Variants in VPS39 observed in about 807,000 individuals in gnomAD.
VPS39 encodes vam6/Vps39-like protein.
In VPS39, 70 loss-of-function variants were observed where a neutral mutation model predicts 121.0. The observed-to-expected ratio is 0.58, with a 90% confidence interval of 0.48 to 0.71. The LOEUF is 0.71. VPS39 is among the 30% of genes least tolerant of loss of function. VPS39 has a pLI of 0.00. For synonymous variants in VPS39, 378 were observed against 398.1 expected (o/e 0.95, Z 0.60); for missense variants, 818 against 1,051.5 (o/e 0.78, Z 3.07).
At chr15:42,181,334 T>C (rs2049576420) in intron 8 of VPS39, among the ~76,000 whole-genome samples, 1 of 152,170 alleles carries the variant, frequency 6.6e-6, no homozygotes, top group Non-Finnish European at 1.5e-5. Flanking sequence ...TTCCCTTATA[T>C]GAGGTATCTA....
intron 11 of VPS39, among the ~76,000 whole-genome samples, chr15:42,170,741 A>ATTTTTTTTTTTTTTTTTTT: frequency 2.0e-5 from 1 of 50,472 alleles, no homozygotes; most frequent in Non-Finnish European, 3.5e-5. Flanking sequence ...ATGCTCGCAG[A>ATTTTTTTTTTTTTTTTTTT]TTTTTTTTTT....
In VPS39 at chr15:42,173,783, T is replaced by A. The variant is rs777472248; in HGVS notation, c.1030A>T (p.Asn344Tyr). 6.2e-6 allele frequency: 10 copies of A among 1,614,128 alleles called. No individual in the cohort carries two copies. Among genetic ancestry groups the A allele is most frequent in the African/African-American group, 2.7e-5 (2 of 74,930 alleles). ...TCAAAACGCTTCTGGCAGAAGAGGTTGAAGGCATACAAGTTCTTGATGTGA... is the reference window on the plus strand; with the variant it reads ...TCAAAACGCTTCTGGCAGAAGAGGTAGAAGGCATACAAGTTCTTGATGTGA... Reference protein sequence around the residue: ...IHHIKNLYAFNLFCQKRFDES... With the variant: ...IHHIKNLYAFYLFCQKRFDES... The change falls in exon 11 of 25, where the codon AAC (asparagine) becomes TAC (tyrosine). Residue 344 changes from asparagine (N) to tyrosine (Y), a missense_variant. Physicochemically the swap from Asn to Tyr is moderately radical, Grantham distance 143. Transcript: ENST00000318006.
rs116172840 is a variant in VPS39 at position 42,159,598 on chromosome 15, C to T, written c.*1156G>A. On this transcript the variant is annotated 3_prime_UTR_variant, in exon 25 of 25. Transcript: ENST00000318006. ...CCGCGTCCCCTCTGCTGTGCCTAAA[C>T]ACCTCTCAGGAACACTTGGCAGCAC... The T allele has an allele frequency of 6.6e-6, 1 of 152,426 alleles. No homozygotes were observed. Among genetic ancestry groups the T allele is most frequent in the African/African-American group, 2.4e-5 (1 of 41,446 alleles). 9.4% of individuals were successfully genotyped at this position (152,426 alleles called of 1,614,324 possible). A position where few individuals can be genotyped will look rare whatever the true frequency, so the allele number is the denominator to read the frequency against.
At chr15:42,197,567 C>G (rs1447325380) in intron 2 of VPS39, among the ~76,000 whole-genome samples, 1 of 151,804 alleles carries the variant, frequency 6.6e-6, no homozygotes, top group Non-Finnish European at 1.5e-5. Context: ...AATAAAGGAG[C>G]AGAATGAAGC....
In VPS39 at chr15:42,181,711, C is replaced by CT. The variant is rs765125799; in HGVS notation, c.718+2805dup. ...TAATTTGCTAATATTTCTAATTATCCTTTTTTTTTTTTGAGACAGAGTCTC... is the reference window on the plus strand; with the variant it reads ...TAATTTGCTAATATTTCTAATTATCCTTTTTTTTTTTTTGAGACAGAGTCTC... On this transcript the variant is annotated intron_variant, in intron 8 of 24. Coordinates refer to ENST00000318006, the MANE Select transcript of VPS39 (RefSeq NM_015289.5). Among the ~76,000 whole-genome samples, 282 of 145,654 alleles carry CT rather than the reference C, an allele frequency of 1.9e-3. 1 individual carries two copies. The highest frequency in any genetic ancestry group is 3.7e-3 in the Admixed American group (54 of 14,602).
rs1000407701 is a variant in VPS39, at chr15:42,178,318, G to A, written c.860C>T (p.Ala287Val). The change falls in exon 10 of 25, where the codon GCC (alanine) becomes GTC (valine). Residue 287 changes from alanine (A) to valine (V), a missense_variant. Transcript: ENST00000318006. ...GAGTCTCCAAACAAAATGATTGCTG[G>A]CCACATAGATAATGTTTGATCTGGA... ...TSGGSNIIYV[A>V]SNHFVWRLIP... The A allele has an allele frequency of 6.2e-7, 1 of 1,614,108 alleles. No individual in the cohort carries two copies. The highest frequency in any genetic ancestry group is 8.5e-7 in the Non-Finnish European group (1 of 1,180,032).
chr15:42,175,223 C>A (rs1325334490), intron 10 of VPS39, among the ~76,000 whole-genome samples: 2 of 151,864 alleles, frequency 1.3e-5, no homozygotes, highest in African/African-American at 4.8e-5. Context: ...TCCTGGCCAA[C>A]ATGGTGAAAC....
chr15:42,191,293 T>C (rs752495535), intron 3 of VPS39, 126 bp from the exon 4 acceptor site: 36 of 1,235,130 alleles, frequency 2.9e-5, no homozygotes, highest in Non-Finnish European at 4.0e-5. Context: ...CACTGATTTT[T>C]CTGGGCACTA....
At chr15:42,204,721 C>T (rs1703748) in intron 1 of VPS39, among the ~76,000 whole-genome samples, 10,008 of 152,052 alleles carry the variant, frequency 0.066, 864 homozygotes, top group African/African-American at 0.18. Context: ...ATGAAACATT[C>T]ATGTAGTTCC....
At chr15:42,186,116 G>A (rs1330523726) in intron 7 of VPS39, among the ~76,000 whole-genome samples, 1 of 152,070 alleles carries the variant, frequency 6.6e-6, no homozygotes, top group Non-Finnish European at 1.5e-5. Flanking sequence ...ATATTCAAAT[G>A]ACACAAAGAT....
At chr15:42,193,160 A>C (rs539043624) in intron 2 of VPS39, among the ~76,000 whole-genome samples, 1 of 152,324 alleles carries the variant, frequency 6.6e-6, no homozygotes, top group South Asian at 2.1e-4. Context: ...AATCTTAAAA[A>C]TTACTGAGGA....
intron 21 of VPS39, 161 bp from the exon 22 acceptor site, chr15:42,162,642 A>G (rs140308723): frequency 0.012 from 9,208 of 752,864 alleles, 75 homozygotes; most frequent in Middle Eastern, 0.021. Context: ...AAGGTCAAAC[A>G]GGCAACTGAA....
Position 42,160,070 on chromosome 15 carries a change from A to C in VPS39, c.*684T>G, listed in dbSNP as rs2049099174. 6.6e-6 allele frequency: 1 copy of C among 152,544 alleles called. No homozygotes were observed. Among genetic ancestry groups the C allele is most frequent in the Non-Finnish European group, 1.5e-5 (1 of 68,298 alleles). The allele number at this position is 152,544 out of a possible 1,614,324, so 9.4% of individuals were successfully genotyped here. A position where few individuals can be genotyped will look rare whatever the true frequency, so the allele number is the denominator to read the frequency against. ...CTATTTACAACATACCTGACAATCAACTAGCACTGTATTCCTAGAACTGAG... is the reference window on the plus strand; with the variant it reads ...CTATTTACAACATACCTGACAATCACCTAGCACTGTATTCCTAGAACTGAG... On this transcript the variant is annotated 3_prime_UTR_variant, in exon 25 of 25. Coordinates refer to ENST00000318006, the MANE Select transcript of VPS39 (RefSeq NM_015289.5).
At chr15:42,173,664 T>C in intron 11 of VPS39, 59 bp downstream of exon 11, 3 of 1,582,256 alleles carry the variant, frequency 1.9e-6, no homozygotes, top group Non-Finnish European at 2.6e-6. Flanking sequence ...TTTCTCCCCA[T>C]ACTTTTCAGG....
chr15:42,169,711 G>C lies in VPS39; in HGVS notation c.1233+13C>G, dbSNP rs2049310507. Reference sequence around the variant, plus strand: ...CCAGGCAAACTCTTTCACGCACTCTGTACTATACCTACCTGTGTCAGGTAG... The same window carrying C: ...CCAGGCAAACTCTTTCACGCACTCTCTACTATACCTACCTGTGTCAGGTAG... On this transcript the variant is annotated intron_variant, in intron 12 of 24. Transcript: ENST00000318006. 2.5e-6 allele frequency: 4 copies of C among 1,613,292 alleles called. No homozygotes were observed. The highest frequency in any genetic ancestry group is 3.4e-6 in the Non-Finnish European group (4 of 1,179,842).
chr15:42,179,212 A>T (rs2049522726), intron 8 of VPS39: 1 of 152,252 alleles, frequency 6.6e-6, no homozygotes. Context: ...AGCTGCCCAT[A>T]ACAATGCATC....
rs2049079797 is a variant in VPS39 at position 42,159,150 on chromosome 15, C to T, written c.*1604G>A. 6.6e-6 allele frequency: 1 copy of T among 152,272 alleles called. No homozygotes were observed. Among genetic ancestry groups the T allele is most frequent in the African/African-American group, 2.4e-5 (1 of 41,450 alleles). The allele number at this position is 152,272 out of a possible 1,614,324, so 9.4% of individuals were successfully genotyped here. On this transcript the variant is annotated 3_prime_UTR_variant, in exon 25 of 25. Coordinates refer to ENST00000318006, the MANE Select transcript of VPS39 (RefSeq NM_015289.5). ...GAACTCTGGTGAAGGGCTGCCCAGC[C>T]TCACAGGCCTGAGCAGAGTCTCCCA...
intron 13 of VPS39, 36 bp downstream of exon 13, chr15:42,167,358 T>A: frequency 6.2e-7 from 1 of 1,611,258 alleles, no homozygotes; most frequent in African/African-American, 1.3e-5. Flanking sequence ...TCAGGGTAAC[T>A]GGGAATTGTG....
chr15:42,185,579 C>A (rs1437140278), intron 7 of VPS39, among the ~76,000 whole-genome samples: 1 of 152,196 alleles, frequency 6.6e-6, no homozygotes, highest in Non-Finnish European at 1.5e-5. Flanking sequence ...TTAACACACA[C>A]AACAACATGG....
Sources: gnomAD v4.1 joint callset for allele counts (sites outside exome capture counted in the v4.1 genomes callset) on GRCh38, gnomAD v4.1.1 for gene constraint, MANE v1.5 for transcripts, NCBI Gene and HGNC (gene_info 2026-07-23, HGNC 2026-07-21) for gene names.